Variants in PYGB observed in about 807,000 individuals in gnomAD.
The protein encoded by PYGB is glycogen phosphorylase B.
In PYGB, 82 loss-of-function variants were observed where a neutral mutation model predicts 94.3. That is an observed-to-expected ratio of 0.87 (90% confidence interval 0.73 to 1.04). The LOEUF (loss-of-function observed/expected upper bound fraction) is 1.04, where lower values mean the gene tolerates loss of function less well. Ranked by LOEUF, PYGB falls within the 50% of genes least tolerant of loss-of-function variation. PYGB has a pLI of 0.00. For synonymous variants in PYGB, 488 were observed against 479.1 expected, an observed-to-expected ratio of 1.02 and a Z score of -0.24; for missense variants, 1,132 against 1,158.2, an observed-to-expected ratio of 0.98 and a Z score of 0.33.
intron 5 of PYGB, among the ~76,000 whole-genome samples, chr20:25,275,186 G>A (rs1051616396): frequency 1.3e-5 from 2 of 152,274 alleles, no homozygotes; most frequent in African/African-American, 2.4e-5. Flanking sequence ...CTCTCAAAGC[G>A]TCAACTGTCA....
At chr20:25,283,950 C>T (rs1046936794) in intron 13 of PYGB, among the ~76,000 whole-genome samples, 154 bp from the exon 14 acceptor site, 1 of 152,076 alleles carries the variant, frequency 6.6e-6, no homozygotes, top group Admixed American at 6.5e-5. Context: ...CATGAGAAGA[C>T]CCCTGGTGCA....
chr20:25,253,598 G>A (rs1369297774), intron 1 of PYGB, among the ~76,000 whole-genome samples: 1 of 150,660 alleles, frequency 6.6e-6, no homozygotes, highest in African/African-American at 2.5e-5. Context: ...CTGCGCCATT[G>A]CACTCCAGCC....
rs1359286944 is a variant in PYGB at position 25,280,507 on chromosome 20, A to G, written c.1239+95A>G. 4.8e-6 allele frequency: 7 copies of G among 1,470,030 alleles called. No individual in the cohort carries two copies. In the Admixed American group the frequency reaches 1.1e-4, roughly 23 times the overall value. The allele number at this position is 1,470,030 out of a possible 1,614,324, so 91.1% of individuals were successfully genotyped here. ...GGGAGAGGAGGTGCTTTGCTCCTTG[A>G]ACGAGGCACCCTCTGTTCAGCAGAG... On this transcript the variant is annotated intron_variant, in intron 10 of 19. Coordinates refer to ENST00000216962, the MANE Select transcript of PYGB (RefSeq NM_002862.4).
chr20:25,292,367 G>A (rs769688456), intron 16 of PYGB, 39 bp from the exon 17 acceptor site: 3 of 1,604,608 alleles, frequency 1.9e-6, no homozygotes, highest in Non-Finnish European at 2.6e-6. Context: ...GGACATTGGG[G>A]TCCTCACAGT....
intron 1 of PYGB, among the ~76,000 whole-genome samples, chr20:25,259,010 A>AG (rs2092907986): frequency 6.6e-6 from 1 of 152,158 alleles, no homozygotes; most frequent in African/African-American, 2.4e-5. Context: ...CAGGGACTGG[A>AG]GGGTCAGGGA....
Position 25,282,098 on chromosome 20 carries a change from G to T in PYGB, c.1469G>T (p.Arg490Leu). ...FQNKTNGITP[R>L]RWLLLCNPGL... ...AATAAGACCAATGGCATCACCCCCC[G>T]CCGGTGGCTGCTGCTGTGCAACCCG... is the stretch of plus-strand genomic sequence containing the variant. Residue 490 changes from arginine to leucine, a missense_variant, in exon 12 of 20, where the codon CGC becomes CTC. Arg to Leu is a moderately radical substitution (Grantham distance 102). Coordinates refer to ENST00000216962, the MANE Select transcript of PYGB (RefSeq NM_002862.4). 1.9e-6 allele frequency: 3 copies of T among 1,613,700 alleles called. No homozygotes were observed. The highest frequency in any genetic ancestry group is 2.2e-5 in the South Asian group (2 of 91,082).
intron 2 of PYGB, among the ~76,000 whole-genome samples, chr20:25,259,804 C>G (rs998160538): frequency 1.3e-5 from 2 of 152,186 alleles, no homozygotes; most frequent in African/African-American, 4.8e-5. Flanking sequence ...CTTGAGAGTT[C>G]TTCATTAGCA....
rs568026737 is a variant in PYGB, at chr20:25,265,841, C to T, written c.346-3288C>T. Among the ~76,000 whole-genome samples, 11 of 151,898 alleles carry T rather than the reference C, an allele frequency of 7.2e-5. 1 individual carries two copies. The East Asian group carries it at 9.7e-4, about 13-fold the overall frequency. ...TGATCTCCTGACCTTGTGATCCACC[C>T]GCCTTGGCCTTCCAAAGTGCTGGGA... On this transcript the variant is annotated intron_variant, in intron 2 of 19. Transcript: ENST00000216962.
At chr20:25,269,018 C>A in intron 2 of PYGB, 111 bp from the exon 3 acceptor site, 1 of 919,462 alleles carries the variant, frequency 1.1e-6, no homozygotes, top group Non-Finnish European at 1.8e-6. Context: ...TCTAACAGAA[C>A]CCAGACTCTA....
intron 10 of PYGB, 87 bp downstream of exon 10, chr20:25,280,499 G>C: frequency 2.0e-6 from 3 of 1,508,146 alleles, no homozygotes; most frequent in Non-Finnish European, 2.7e-6. Flanking sequence ...GAGGTGCTTT[G>C]CTCCTTGAAC....
chr20:25,295,822 C>T lies in PYGB; in HGVS notation c.2379+152C>T. 3.5e-6 allele frequency: 3 copies of T among 853,318 alleles called. 1 individual carries two copies. Among genetic ancestry groups the T allele is most frequent in the Non-Finnish European group, 5.6e-6 (3 of 531,668 alleles). 52.9% of individuals were successfully genotyped at this position (853,318 alleles called of 1,614,324 possible). ...ATCTGTCATCAGTCGGCTGTGCCTG[C>T]CTTTAGGGAAGCTGTCACTGTCAAT... On this transcript the variant is annotated intron_variant, in intron 19 of 19. Transcript: ENST00000216962.
At chr20:25,262,540 C>A (rs1304606714) in intron 2 of PYGB, among the ~76,000 whole-genome samples, 1 of 152,150 alleles carries the variant, frequency 6.6e-6, no homozygotes, top group Non-Finnish European at 1.5e-5. Context: ...ATTGTAAAGA[C>A]CATCAAAGCT....
rs201562790 is a variant in PYGB at position 25,278,343 on chromosome 20, C to T, written c.880C>T (p.Leu294=). The T allele has an allele frequency of 3.1e-6, 5 of 1,609,444 alleles. No homozygotes were observed. The highest frequency in any genetic ancestry group is 3.4e-6 in the Non-Finnish European group (4 of 1,178,858). The change falls in exon 8 of 20, where the codon CTG becomes TTG. Residue 294 remains leucine, a synonymous_variant. Transcript: ENST00000216962. ...GTTCTTTGAGGGGAAGGAGCTGCGGCTGAAGCAGGAGTACTTCGTGGTGGC... is the reference window on the plus strand; with the variant it reads ...GTTCTTTGAGGGGAAGGAGCTGCGGTTGAAGCAGGAGTACTTCGTGGTGGC... The part of the protein sequence containing the change: ...DNFFEGKELR[L]KQEYFVVAAT...
rs186939175 is a variant in PYGB, at chr20:25,297,958, G to C, written c.*1436G>C. 6.6e-6 allele frequency: 1 copy of C among 152,178 alleles called. No homozygotes were observed. Among genetic ancestry groups the C allele is most frequent in the Admixed American group, 6.5e-5 (1 of 15,286 alleles). 9.4% of individuals were successfully genotyped at this position (152,178 alleles called of 1,614,324 possible). On this transcript the variant is annotated 3_prime_UTR_variant, in exon 20 of 20. Transcript: ENST00000216962. ...CCTGACCACCACTGTGCCCCTCATT[G>C]TTACTGCCTTGTGAGATAAAAACTG...
At chr20:25,264,826 A>G (rs1244087601) in intron 2 of PYGB, among the ~76,000 whole-genome samples, 2 of 152,218 alleles carry the variant, frequency 1.3e-5, no homozygotes, top group Admixed American at 6.5e-5. Flanking sequence ...AGGAAGAATC[A>G]ATATCTTGAA....
intron 15 of PYGB, among the ~76,000 whole-genome samples, chr20:25,290,144 G>C (rs1442693541): frequency 6.6e-6 from 1 of 152,212 alleles, no homozygotes; most frequent in Non-Finnish European, 1.5e-5. Context: ...GTGTGTCCCA[G>C]TATGTCCCTA....
intron 19 of PYGB, among the ~76,000 whole-genome samples, chr20:25,295,973 G>GA (rs1384037501): frequency 6.6e-6 from 1 of 152,192 alleles, no homozygotes; most frequent in African/African-American, 2.4e-5. Flanking sequence ...TGGCCTCGAG[G>GA]AAAGGCTGGC....
At chr20:25,278,591 C>A in intron 8 of PYGB, 129 bp downstream of exon 8, 2 of 1,312,944 alleles carry the variant, frequency 1.5e-6, no homozygotes, top group Non-Finnish European at 2.0e-6. Context: ...GGGGTCTCGT[C>A]ATTCTGGGCC....
At chr20:25,255,721 A>G (rs1239118433) in intron 1 of PYGB, among the ~76,000 whole-genome samples, 3 of 150,532 alleles carry the variant, frequency 2.0e-5, no homozygotes, top group African/African-American at 7.4e-5. Context: ...TCTTGGTGAA[A>G]GCAGCCGCCC....
Sources: allele counts gnomAD v4.1 joint callset (sites outside exome capture counted in the v4.1 genomes callset), GRCh38; gene constraint gnomAD v4.1.1; transcripts MANE v1.5; gene names NCBI Gene and HGNC (gene_info 2026-07-23, HGNC 2026-07-21).